Variants in OSBPL9 observed in about 807,000 individuals in gnomAD.
OSBPL9 encodes oxysterol-binding protein-related protein 9.
Under a neutral mutation model 106.6 loss-of-function variants are expected in OSBPL9, and 40 were observed. The observed-to-expected ratio is 0.38, with a 90% CI of 0.29 to 0.49. The LOEUF is 0.49. OSBPL9 is among the 20% of genes least tolerant of loss of function. OSBPL9 has a pLI of 0.97. For synonymous variants in OSBPL9, 269 were observed against 295.4 expected (o/e 0.91, Z 0.92); for missense variants, 609 against 887.2 (o/e 0.69, Z 3.98).
the OSBPL9 span, chr1:51,561,571 G>C: frequency 1.3e-5 from 2 of 152,116 alleles, no homozygotes; most frequent in South Asian, 4.1e-4. Flanking sequence ...CAGAAGTCCA[G>C]CATCTGGTGT....
At chr1:51,656,527 G>A (rs1281183185) in intron 2 of OSBPL9, among the ~76,000 whole-genome samples, 1 of 151,586 alleles carries the variant, frequency 6.6e-6, no homozygotes, top group Non-Finnish European at 1.5e-5. Context: ...TGAGCTCATC[G>A]CTTAAGAGAC....
At chr1:51,643,473 A>G (rs886453537) in intron 1 of OSBPL9, among the ~76,000 whole-genome samples, 4 of 152,134 alleles carry the variant, frequency 2.6e-5, no homozygotes, top group African/African-American at 4.8e-5. Context: ...CAATCCATGT[A>G]AAAGTCCTTA....
At chr1:51,711,502 G>T (rs1366484924) in intron 3 of OSBPL9, among the ~76,000 whole-genome samples, 1 of 134,150 alleles carries the variant, frequency 7.5e-6, no homozygotes, top group Non-Finnish European at 1.6e-5. Flanking sequence ...GCGGCTGGCC[G>T]GGCGGGGGGC....
At chr1:51,680,239 A>G (rs545623758) in intron 3 of OSBPL9, among the ~76,000 whole-genome samples, 1 of 152,048 alleles carries the variant, frequency 6.6e-6, no homozygotes, top group South Asian at 2.1e-4. Flanking sequence ...TGGGCAACAG[A>G]GTGAGAGACC....
intron 12 of OSBPL9, among the ~76,000 whole-genome samples, chr1:51,766,410 C>T (rs930543268): frequency 6.6e-6 from 1 of 152,098 alleles, no homozygotes; most frequent in Non-Finnish European, 1.5e-5. Flanking sequence ...ATATTCAACA[C>T]CTATCAGCCA....
chr1:51,529,445 G>A, the OSBPL9 span, among the ~76,000 whole-genome samples: 1 of 151,866 alleles, frequency 6.6e-6, no homozygotes, highest in Non-Finnish European at 1.5e-5. Context: ...GGGTTTCACC[G>A]TGTTAGCCAG....
intron 1 of OSBPL9, among the ~76,000 whole-genome samples, chr1:51,650,287 T>C (rs1260333277): frequency 6.6e-6 from 1 of 152,218 alleles, no homozygotes; most frequent in Non-Finnish European, 1.5e-5. Context: ...AATTGTGTTA[T>C]AGTAGAAGAG....
intron 3 of OSBPL9, 150 bp from the exon 4 acceptor site, chr1:51,713,853 A>C: frequency 1.7e-6 from 1 of 574,744 alleles, no homozygotes; most frequent in Non-Finnish European, 3.0e-6. Flanking sequence ...TCTGTAAAAA[A>C]TATTAATAGA....
chr1:51,586,097 C>T (rs1027373591), intron 1 of OSBPL9, among the ~76,000 whole-genome samples: 2 of 151,456 alleles, frequency 1.3e-5, no homozygotes, highest in African/African-American at 4.9e-5. Flanking sequence ...TCACTTAAAC[C>T]CAGGAGGCAG....
chr1:51,592,895 A>C (rs952301023), intron 1 of OSBPL9, among the ~76,000 whole-genome samples: 1 of 151,994 alleles, frequency 6.6e-6, no homozygotes. Flanking sequence ...ACTGGGAGGG[A>C]TTATGGTGTG....
rs1446590749 is a variant in OSBPL9, at chr1:51,636,149, C to G, written c.112-15842C>G. ...ATCCTTCCTTCCTTCCTCTCTCTCTCTTGTTTTTTTTTTTTTTTTTTTTTT... is the reference window on the plus strand; with the variant it reads ...ATCCTTCCTTCCTTCCTCTCTCTCTGTTGTTTTTTTTTTTTTTTTTTTTTT... On this transcript the variant is annotated intron_variant, in intron 1 of 23. Coordinates refer to ENST00000428468, the MANE Select transcript of OSBPL9 (RefSeq NM_024586.6). 4.4e-5 allele frequency among the ~76,000 whole-genome samples: 5 copies of G among 114,786 alleles called. No individual in the cohort carries two copies. The East Asian group carries it at 1.3e-3, about 30-fold the overall frequency. The allele number at this position is 114,786 out of a possible 152,430, so 75.3% of individuals were successfully genotyped here. A position where few individuals can be genotyped will look rare whatever the true frequency, so the allele number is the denominator to read the frequency against.
At chr1:51,662,615 C>T (rs1237823735) in intron 2 of OSBPL9, among the ~76,000 whole-genome samples, 1 of 151,708 alleles carries the variant, frequency 6.6e-6, no homozygotes, top group Admixed American at 6.6e-5. Context: ...AGTAATAAGA[C>T]TATTATTCAC....
At chr1:51,724,652 C>T in intron 4 of OSBPL9, 1 of 153,228 alleles carries the variant, frequency 6.5e-6, no homozygotes. Context: ...CTTCTGTAGG[C>T]AAGTTGAGTT....
chr1:51,702,333 C>T (rs372265252), intron 3 of OSBPL9, among the ~76,000 whole-genome samples: 100 of 152,112 alleles, frequency 6.6e-4, no homozygotes, highest in East Asian at 3.7e-3. Context: ...TTTTAATGAT[C>T]GCCATTCTAA....
intron 2 of OSBPL9, among the ~76,000 whole-genome samples, chr1:51,600,522 A>C (rs1158595410): frequency 6.6e-6 from 1 of 152,196 alleles, no homozygotes; most frequent in Admixed American, 6.5e-5. Flanking sequence ...CATTATTATT[A>C]TGTTCTTTTT....
At chr1:51,683,748 G>A (rs1399587912) in intron 3 of OSBPL9, among the ~76,000 whole-genome samples, 2 of 151,944 alleles carry the variant, frequency 1.3e-5, no homozygotes, top group African/African-American at 2.4e-5. Context: ...AGCCAAGATC[G>A]CGCCCCTGCT....
intron 4 of OSBPL9, among the ~76,000 whole-genome samples, chr1:51,718,473 T>C (rs1353739416): frequency 1.3e-5 from 2 of 152,210 alleles, no homozygotes; most frequent in Non-Finnish European, 1.5e-5. Flanking sequence ...ATATACCTAC[T>C]ATGTACCCAC....
At chr1:51,646,526 T>TTA (rs1304862919) in intron 1 of OSBPL9, among the ~76,000 whole-genome samples, 1 of 152,146 alleles carries the variant, frequency 6.6e-6, no homozygotes, top group African/African-American at 2.4e-5. Flanking sequence ...TGTGGATTCC[T>TTA]TAGGATTTTC....
rs193254058 is a variant in OSBPL9 at position 51,630,098 on chromosome 1, A to G, written c.111+12877A>G. On this transcript the variant is annotated intron_variant, in intron 1 of 23. Coordinates refer to ENST00000428468, the MANE Select transcript of OSBPL9 (RefSeq NM_024586.6). ...AGACAATTCTTTTAAAGGGTACTAA[A>G]TGATTACTGGGGGGAATGAATGAAT... Among the ~76,000 whole-genome samples, 15 of 152,162 alleles carry G rather than the reference A, an allele frequency of 9.9e-5. No individual in the cohort carries two copies. The East Asian group carries it at 2.5e-3, about 25-fold the overall frequency.
Sources: gnomAD v4.1 joint callset for allele counts (sites outside exome capture counted in the v4.1 genomes callset) on GRCh38, gnomAD v4.1.1 for gene constraint, MANE v1.5 for transcripts, NCBI Gene and HGNC (gene_info 2026-07-23, HGNC 2026-07-21) for gene names.